DCST2: variants seen among roughly 807,000 people sequenced by gnomAD.
DCST2 encodes the protein DC-STAMP domain containing 2.
A neutral mutation model predicts 81.8 loss-of-function variants in DCST2; 64 were observed. The observed-to-expected ratio is 0.78, with a 90% CI of 0.64 to 0.96. The LOEUF (loss-of-function observed/expected upper bound fraction) is 0.96. Ranked by LOEUF, DCST2 falls within the 40% of genes least tolerant of loss-of-function variation. The pLI is 0.00. For missense variants in DCST2, 945 were observed against 1,001.4 expected (o/e 0.94, Z 0.76); for synonymous variants, 354 against 402.6 (o/e 0.88, Z 1.44).
At chr1:155,028,107 G>A (rs1313841587) in intron 8 of DCST2, among the ~76,000 whole-genome samples, 1 of 151,570 alleles carries the variant, frequency 6.6e-6, no homozygotes, top group Non-Finnish European at 1.5e-5. Flanking sequence ...TGTATTTTTA[G>A]TTGAGATGGG....
Position 155,024,059 on chromosome 1 carries a change from T to C in DCST2, c.1743-100A>G. 2.0e-6 allele frequency: 3 copies of C among 1,465,424 alleles called. No homozygotes were observed. The South Asian group carries it at 4.1e-5, about 20-fold the overall frequency. The allele number at this position is 1,465,424 out of a possible 1,614,324, so 90.8% of individuals were successfully genotyped here. A position where few individuals can be genotyped will look rare whatever the true frequency, so the allele number is the denominator to read the frequency against. ...AAATGGCAGGGAGGACTTCCTGACT[T>C]CCTGCAGTACATCCTCCATCCCTCT... On this transcript the variant is annotated intron_variant, in intron 11 of 14. Coordinates refer to ENST00000368424, the MANE Select transcript of DCST2 (RefSeq NM_144622.3).
chr1:155,030,951 G>T, intron 5 of DCST2: 1 of 621,072 alleles, frequency 1.6e-6, no homozygotes, highest in East Asian at 2.8e-5. Flanking sequence ...CCCAGCTCCT[G>T]CTCTCAGGGC....
rs543441000 is a variant in DCST2, at chr1:155,031,664, T to G, written c.649A>C (p.Lys217Gln). The change falls in exon 4 of 15, where the codon AAG (lysine) becomes CAG (glutamine). Residue 217 changes from lysine to glutamine, a missense_variant. Coordinates refer to ENST00000368424, the MANE Select transcript of DCST2 (RefSeq NM_144622.3). ...LKCARVFDDAKDSCMMVIPQA... is the reference protein window; with the variant it reads ...LKCARVFDDAQDSCMMVIPQA... ...GGTATGACCATCATGCAGCTGTCCTTGGCATCATCGAAAACCCGTGCACAC... is the reference window on the plus strand; with the variant it reads ...GGTATGACCATCATGCAGCTGTCCTGGGCATCATCGAAAACCCGTGCACAC... 3.7e-5 allele frequency: 59 copies of G among 1,614,172 alleles called. No individual in the cohort carries two copies. Among genetic ancestry groups the G allele is most frequent in the Non-Finnish European group, 4.7e-5 (55 of 1,180,028 alleles).
chr1:155,029,521 A>G, intron 7 of DCST2, 124 bp from the exon 8 acceptor site: 1 of 946,268 alleles, frequency 1.1e-6, no homozygotes, highest in Non-Finnish European at 1.6e-6. Context: ...GGAATACGGA[A>G]AAGAAAAGAA....
At position 155,033,478 on chromosome 1, in the gene DCST2, T is replaced by C; in HGVS notation, c.224A>G (p.Gln75Arg). 6.2e-7 allele frequency: 1 copy of C among 1,613,918 alleles called. No homozygotes were observed. The highest frequency in any genetic ancestry group is 8.5e-7 in the Non-Finnish European group (1 of 1,179,924). The change falls in exon 1 of 15, where the codon CAG becomes CGG. Residue 75 changes from glutamine to arginine, a missense_variant. Transcript: ENST00000368424. ...CAGCAGGAGGACAGTGGCTCGGACC[T>C]GGCGAGAGAATCCCATGCCCAGGCT... is the stretch of plus-strand genomic sequence containing the variant. ...FLSLGMGFSR[Q>R]VRATVLLLLP...
intron 8 of DCST2, among the ~76,000 whole-genome samples, chr1:155,028,460 T>C (rs1659973558): frequency 6.6e-6 from 1 of 152,126 alleles, no homozygotes; most frequent in Non-Finnish European, 1.5e-5. Context: ...GGCATGTGCC[T>C]GTAGTCCCAG....
At chr1:155,029,861 G>A (rs964037368) in intron 7 of DCST2, among the ~76,000 whole-genome samples, 9 of 152,230 alleles carry the variant, frequency 5.9e-5, no homozygotes, top group African/African-American at 2.2e-4. Flanking sequence ...TTCTCCAAGG[G>A]TGTCTATGTT....
Position 155,033,526 on chromosome 1 carries a change from G to A in DCST2, c.176C>T (p.Thr59Ile), listed in dbSNP as rs749096475. Residue 59 changes from threonine (T) to isoleucine (I), a missense_variant, in exon 1 of 15, where the codon ACC becomes ATC. Thr to Ile is a moderately conservative substitution (Grantham distance 89). Transcript: ENST00000368424. ...GCTAAGGAAGGCAGCCAAAGTGAGGGTGCCCACCAGGCAACCCCAGGGGCT... is the reference window on the plus strand; with the variant it reads ...GCTAAGGAAGGCAGCCAAAGTGAGGATGCCCACCAGGCAACCCCAGGGGCT... ...GHSPWGCLVG[T>I]LTLAAFLSLG... 6.2e-7 allele frequency: 1 copy of A among 1,614,090 alleles called. No homozygotes were observed. Among genetic ancestry groups the A allele is most frequent in the Admixed American group, 1.7e-5 (1 of 60,028 alleles).
rs375988286 is a variant in DCST2, at chr1:155,023,410, C to T, written c.1918G>A (p.Val640Met). 2.7e-5 allele frequency: 43 copies of T among 1,606,962 alleles called. No individual in the cohort carries two copies. The highest frequency in any genetic ancestry group is 1.0e-4 in the South Asian group (9 of 89,920). Residue 640 changes from valine to methionine, a missense_variant, in exon 13 of 15, where the codon GTG becomes ATG. Coordinates refer to ENST00000368424, the MANE Select transcript of DCST2 (RefSeq NM_144622.3). ...CFRLLDNTCS[V>M]CASPLSYQGD... ...TGGTAGGAGAGGGGAGATGCACACA[C>T]GGAGCAGGTATTGTCCAGGAGGCGG...
Position 155,031,169 on chromosome 1 carries a change from G to T in DCST2, c.805C>A (p.Pro269Thr), listed in dbSNP as rs564132121. The T allele has an allele frequency of 6.3e-7, 1 of 1,589,090 alleles. No individual in the cohort carries two copies. Among genetic ancestry groups the T allele is most frequent in the Admixed American group, 1.9e-5 (1 of 52,150 alleles). ...QPFLRQTIGT[P>T]VIQLLNRVRQ... ...TATGTGGCAGGAGGGGGTCACTCAC[G>T]GGTGCCGATGGTCTGGCGCAAGAAG... The change falls in exon 5 of 15, where the codon CCC becomes ACC. Residue 269 changes from proline to threonine, a missense_variant and splice_region_variant. Coordinates refer to ENST00000368424, the MANE Select transcript of DCST2 (RefSeq NM_144622.3).
chr1:155,029,427 G>A (rs764739999), intron 7 of DCST2, 30 bp from the exon 8 acceptor site: 6 of 1,607,390 alleles, frequency 3.7e-6, no homozygotes, highest in Non-Finnish European at 5.1e-6. Context: ...TCAGGAGGAT[G>A]CTCCCCAGTT....
At chr1:155,020,129 C>G (rs1659709190) in intron 14 of DCST2, among the ~76,000 whole-genome samples, 2 of 152,180 alleles carry the variant, frequency 1.3e-5, no homozygotes, top group African/African-American at 2.4e-5. Context: ...GCCCAAACCT[C>G]CCTCCCCAAC....
In DCST2 at chr1:155,026,301, C is replaced by A; in HGVS notation, c.1611+1G>T. ...CTAGCTCCCAGCCCCGGACCCCTCA[C>A]CTGCTCCCGGGATGGGTAGTAGGAG... On this transcript the variant is annotated splice_donor_variant, in intron 10 of 14. Coordinates refer to ENST00000368424, the MANE Select transcript of DCST2 (RefSeq NM_144622.3). LOFTEE classifies it high-confidence loss of function. The A allele has an allele frequency of 6.2e-7, 1 of 1,613,686 alleles. No individual in the cohort carries two copies. The highest frequency in any genetic ancestry group is 1.1e-5 in the South Asian group (1 of 91,080).
intron 4 of DCST2, 59 bp downstream of exon 4, chr1:155,031,515 T>TTGGCCCCC: frequency 1.6e-6 from 1 of 643,126 alleles, no homozygotes; most frequent in Non-Finnish European, 2.9e-6. Flanking sequence ...ACCCCCACAT[T>TTGGCCCCC]CCCACCCCAC....
intron 10 of DCST2, 90 bp downstream of exon 10, chr1:155,026,212 G>A (rs1339813403): frequency 3.7e-5 from 46 of 1,234,498 alleles, no homozygotes; most frequent in Non-Finnish European, 4.5e-5. Context: ...GCTGCTGAAG[G>A]AAGTCAGCTC....
At chr1:155,026,776 C>A in intron 8 of DCST2, 61 bp from the exon 9 acceptor site, 2 of 1,596,370 alleles carry the variant, frequency 1.3e-6, no homozygotes, top group East Asian at 2.2e-5. Flanking sequence ...AAACCCCACA[C>A]CTTCTGGAAT....
Position 155,023,850 on chromosome 1 carries a change from T to C in DCST2, c.1852A>G (p.Ser618Gly), listed in dbSNP as rs149534256. The change falls in exon 12 of 15, where the codon AGT (serine) becomes GGT (glycine). Residue 618 changes from serine to glycine, a missense_variant. Coordinates refer to ENST00000368424, the MANE Select transcript of DCST2 (RefSeq NM_144622.3). The stretch of plus-strand genomic sequence containing the variant: ...GTCTCACCTTGGCAGCCGGGGGTAC[T>C]GCAGGACACAGTGTTCTCCATGTCT... Reference protein sequence around the residue: ...EGDMENTVSCSTPGCQGLYCL... With the variant: ...EGDMENTVSCGTPGCQGLYCL... The C allele has an allele frequency of 7.3e-4, 1,178 of 1,613,764 alleles. 1 individual carries two copies. Among genetic ancestry groups the C allele is most frequent in the Admixed American group, 8.8e-4 (53 of 59,976 alleles).
Position 155,030,602 on chromosome 1 carries a change from G to T in DCST2, c.849C>A (p.Phe283Leu), listed in dbSNP as rs1389461112. 7 of 1,614,114 alleles carry T rather than the reference G, an allele frequency of 4.3e-6. No individual in the cohort carries two copies. Among genetic ancestry groups the T allele is most frequent in the Non-Finnish European group, 5.1e-6 (6 of 1,180,034 alleles). The change falls in exon 6 of 15, where the codon TTC (phenylalanine) becomes TTA (leucine). Residue 283 changes from phenylalanine (F) to leucine (L), a missense_variant. Transcript: ENST00000368424. ...LLNRVRQEFE[F>L]NMTATHHFSV... is the part of the protein sequence containing the mutation. The stretch of plus-strand genomic sequence containing the variant: ...AGAAGTGGTGGGTGGCTGTCATGTT[G>T]AACTCAAACTCCTGACGCACCCGGT...
intron 3 of DCST2, among the ~76,000 whole-genome samples, chr1:155,032,404 G>A (rs72702251): frequency 0.03 from 4,502 of 152,122 alleles, 85 homozygotes; most frequent in South Asian, 0.054. Flanking sequence ...GGGTTCAAGA[G>A]ATCCTTCCAC....
Sources: allele counts gnomAD v4.1 joint callset (sites outside exome capture counted in the v4.1 genomes callset), GRCh38; gene constraint gnomAD v4.1.1; transcripts MANE v1.5; gene names NCBI Gene and HGNC (gene_info 2026-07-23, HGNC 2026-07-21).